YTHDF3: variants seen among roughly 807,000 people sequenced by gnomAD.
YTHDF3 encodes the protein YTH domain-containing family protein 3.
In YTHDF3, 9 loss-of-function variants were observed where a neutral mutation model predicts 52.5. The ratio of observed to expected loss-of-function variants is 0.17; its 90% CI spans 0.10 to 0.30. YTHDF3 has a LOEUF of 0.30. Ranked by LOEUF, YTHDF3 falls within the 10% of genes least tolerant of loss-of-function variation. The pLI is 1.00. For missense variants in YTHDF3, 534 were observed against 715.0 expected (o/e 0.75, Z 2.89); for synonymous variants, 274 against 243.3 (o/e 1.13, Z -1.18).
At chr8:63,170,159 T>C (rs184624556) in intron 2 of YTHDF3, among the ~76,000 whole-genome samples, 155 of 152,314 alleles carry the variant, frequency 1.0e-3, no homozygotes, top group Non-Finnish European at 9.7e-4. Flanking sequence ...TATAGAACAA[T>C]AACTGCTTTC....
intron 4 of YTHDF3, among the ~76,000 whole-genome samples, chr8:63,196,301 C>T (rs1809233691): frequency 6.6e-6 from 1 of 150,990 alleles, no homozygotes; most frequent in Admixed American, 6.6e-5. Context: ...TGGCTCAATG[C>T]CTGTAATCAC....
At chr8:63,188,132 C>CT (rs199848421) in intron 4 of YTHDF3, among the ~76,000 whole-genome samples, 144 of 150,916 alleles carry the variant, frequency 9.5e-4, no homozygotes, top group Middle Eastern at 3.4e-3. Context: ...TTTGAAACAA[C>CT]TTTTTTTTTG....
At chr8:63,171,501 C>A (rs1486350087) in intron 2 of YTHDF3, among the ~76,000 whole-genome samples, 1 of 152,070 alleles carries the variant, frequency 6.6e-6, no homozygotes, top group Admixed American at 6.6e-5. Flanking sequence ...ATTTAAGTTT[C>A]TTAAAAATGG....
rs1194509589 is a variant in YTHDF3, at chr8:63,187,874, C to T, written c.1734+129C>T. ...CTTAAGAAACAACTCTACAAACACC[C>T]TTGAAGGTATCTATGTGTGTCCTAT... On this transcript the variant is annotated intron_variant, in intron 4 of 4. Coordinates refer to ENST00000539294, the MANE Select transcript of YTHDF3 (RefSeq NM_152758.6). The T allele has an allele frequency of 4.8e-6, 5 of 1,043,420 alleles. No homozygotes were observed. In the East Asian group the frequency reaches 1.3e-4, roughly 27 times the overall value. The allele number at this position is 1,043,420 out of a possible 1,614,324, so 64.6% of individuals were successfully genotyped here. A position where few individuals can be genotyped will look rare whatever the true frequency, so the allele number is the denominator to read the frequency against.
At chr8:63,184,764 G>C (rs1034449221) in intron 3 of YTHDF3, among the ~76,000 whole-genome samples, 3 of 152,158 alleles carry the variant, frequency 2.0e-5, no homozygotes, top group Admixed American at 1.3e-4. Context: ...ATTGACCCTT[G>C]AAAAGTCATA....
At chr8:63,185,032 G>T (rs1164881969) in intron 3 of YTHDF3, among the ~76,000 whole-genome samples, 1 of 152,124 alleles carries the variant, frequency 6.6e-6, no homozygotes, top group Non-Finnish European at 1.5e-5. Flanking sequence ...GAAATGGGAG[G>T]ATTGCTTGAG....
chr8:63,182,689 A>G (rs915032817), intron 3 of YTHDF3, among the ~76,000 whole-genome samples: 52 of 152,144 alleles, frequency 3.4e-4, no homozygotes, highest in Non-Finnish European at 1.2e-4. Flanking sequence ...TCTGGATTTC[A>G]TTGCCAACAA....
chr8:63,183,249 C>T (rs189377415), intron 3 of YTHDF3, among the ~76,000 whole-genome samples: 7 of 152,242 alleles, frequency 4.6e-5, no homozygotes, highest in East Asian at 1.9e-4. Context: ...GCATGAACCA[C>T]GGTGTCCAGC....
At chr8:63,172,718 G>A (rs573686576) in intron 2 of YTHDF3, 9 of 1,208,638 alleles carry the variant, frequency 7.4e-6, no homozygotes, top group Non-Finnish European at 9.3e-6. Context: ...CCAGAGCAAA[G>A]AATCACCTGG....
chr8:63,194,205 C>T (rs1046947939), intron 4 of YTHDF3, among the ~76,000 whole-genome samples: 1 of 152,152 alleles, frequency 6.6e-6, no homozygotes, highest in African/African-American at 2.4e-5. Context: ...TGGGAGAGGC[C>T]GGGCATGGTG....
In YTHDF3 at chr8:63,187,380, G is replaced by T; in HGVS notation, c.1369G>T (p.Gly457Trp). ...GGATGCAGCTTACCGTTCCCTGAAT[G>T]GGAAAGGCCCACTCTATTTACTCTT... ...RLDAAYRSLN[G>W]KGPLYLLFSV... Residue 457 changes from glycine to tryptophan, a missense_variant, in exon 4 of 5, where the codon GGG becomes TGG. This residue lies in a region of YTHDF3 where 135 missense variants were observed against 214.2 expected (regional missense o/e 0.63). Coordinates refer to ENST00000539294, the MANE Select transcript of YTHDF3 (RefSeq NM_152758.6). The T allele has an allele frequency of 6.2e-7, 1 of 1,614,016 alleles. No homozygotes were observed. The highest frequency in any genetic ancestry group is 8.5e-7 in the Non-Finnish European group (1 of 1,179,896).
chr8:63,205,377 A>G (rs894665337), intron 4 of YTHDF3, among the ~76,000 whole-genome samples: 2 of 151,870 alleles, frequency 1.3e-5, no homozygotes, highest in East Asian at 1.9e-4. Flanking sequence ...ACCTCATTTT[A>G]TAATAACATC....
rs988221441 is a variant in YTHDF3, at chr8:63,168,689, C to T, written c.-189C>T. On this transcript the variant is annotated 5_prime_UTR_variant, in exon 1 of 5. Coordinates refer to ENST00000539294, the MANE Select transcript of YTHDF3 (RefSeq NM_152758.6). ...GAGCGAGAGGGGGAAGAGGAGCGTGCAAGCGGAAAAGACGGGCCTCTTCCT... is the reference window on the plus strand; with the variant it reads ...GAGCGAGAGGGGGAAGAGGAGCGTGTAAGCGGAAAAGACGGGCCTCTTCCT... 14 of 1,074,764 alleles carry T rather than the reference C, an allele frequency of 1.3e-5. No homozygotes were observed. In the African/African-American group the frequency reaches 2.1e-4, roughly 16 times the overall value. The allele number at this position is 1,074,764 out of a possible 1,614,324, so 66.6% of individuals were successfully genotyped here.
intron 4 of YTHDF3, among the ~76,000 whole-genome samples, chr8:63,199,658 A>G (rs1399977664): frequency 6.6e-6 from 1 of 152,228 alleles, no homozygotes; most frequent in African/African-American, 2.4e-5. Context: ...GTGTCCAAGG[A>G]AAGAATATTT....
At position 63,186,906 on chromosome 8, in the gene YTHDF3, A is replaced by T. The variant is rs1808549985; in HGVS notation, c.895A>T (p.Thr299Ser). ...AACCCAACCAGTTCTGCCTCCTCAA[A>T]CTATAATCCAGCAGCCTCAGCCATT... ...PPTQPVLPPQTIIQQPQPLIQ... is the reference protein window; with the variant it reads ...PPTQPVLPPQSIIQQPQPLIQ... Residue 299 changes from threonine (T) to serine (S), a missense_variant, in exon 4 of 5, where the codon ACT (threonine) becomes TCT (serine). By Grantham distance (58) the Thr-to-Ser change is moderately conservative. Transcript: ENST00000539294. The T allele has an allele frequency of 6.2e-7, 1 of 1,613,924 alleles. No individual in the cohort carries two copies. Among genetic ancestry groups the T allele is most frequent in the Non-Finnish European group, 8.5e-7 (1 of 1,179,882 alleles).
chr8:63,175,928 TAAG>T (rs1022268823), intron 3 of YTHDF3, among the ~76,000 whole-genome samples: 6 of 152,202 alleles, frequency 3.9e-5, no homozygotes, highest in African/African-American at 1.2e-4. Context: ...GTGATAGAAT[TAAG>T]GAGTTTATAA....
chr8:63,208,084 G>A (rs1246291064), intron 4 of YTHDF3, among the ~76,000 whole-genome samples: 5 of 152,104 alleles, frequency 3.3e-5, no homozygotes, highest in Non-Finnish European at 7.4e-5. Context: ...CTCTTGAAAT[G>A]TACTTAATCT....
chr8:63,209,073 G>C (rs910435288), intron 4 of YTHDF3, among the ~76,000 whole-genome samples: 1 of 150,040 alleles, frequency 6.7e-6, no homozygotes, highest in African/African-American at 2.4e-5. Context: ...TCATCATGTT[G>C]GTCAGGCTGA....
At chr8:63,175,611 C>T (rs1372966233) in intron 3 of YTHDF3, 195 bp downstream of exon 3, 8 of 467,838 alleles carry the variant, frequency 1.7e-5, no homozygotes, top group Admixed American at 7.1e-5. Context: ...AGTATAGGCA[C>T]CAGAAACTAG....
Sources: gnomAD v4.1 joint callset for allele counts (sites outside exome capture counted in the v4.1 genomes callset) on GRCh38, gnomAD v4.1.1 for gene constraint, gnomAD v4.1.1 regional missense constraint, MANE v1.5 for transcripts, NCBI Gene and HGNC (gene_info 2026-07-23, HGNC 2026-07-21) for gene names.